Variants in LRMDA observed in about 807,000 individuals in gnomAD.
LRMDA encodes the protein leucine rich melanocyte differentiation associated.
A neutral mutation model predicts 29.8 loss-of-function variants in LRMDA; 18 were observed. The ratio of observed to expected loss-of-function variants is 0.60; its 90% confidence interval spans 0.42 to 0.90. The LOEUF (loss-of-function observed/expected upper bound fraction) is 0.90, where lower values mean the gene tolerates loss of function less well. LRMDA is among the 40% of genes least tolerant of loss of function. LRMDA has a pLI of 0.00. For synonymous variants in LRMDA, 125 were observed against 109.4 expected (o/e 1.14, Z -0.89); for missense variants, 273 against 273.9 (o/e 1.00, Z 0.02).
chr10:76,412,618 T>A (rs1841974074), intron 6 of LRMDA, among the ~76,000 whole-genome samples: 1 of 152,168 alleles, frequency 6.6e-6, no homozygotes, highest in Admixed American at 6.5e-5. Flanking sequence ...AGCAGTATGA[T>A]TCGCTGTCTA....
chr10:76,153,139 T>G (rs1388799519), intron 5 of LRMDA, among the ~76,000 whole-genome samples: 4 of 152,106 alleles, frequency 2.6e-5, no homozygotes, highest in Non-Finnish European at 5.9e-5. Flanking sequence ...ACGCCTGGCC[T>G]TTTTTGGCTA....
intron 5 of LRMDA, among the ~76,000 whole-genome samples, chr10:76,146,264 T>C (rs1241548299): frequency 1.3e-5 from 2 of 152,020 alleles, no homozygotes; most frequent in Non-Finnish European, 2.9e-5. Context: ...TTCTGTCTCG[T>C]TGATCTGTCT....
chr10:76,437,538 C>T (rs1842257768), intron 6 of LRMDA: 1 of 152,164 alleles, frequency 6.6e-6, no homozygotes, highest in Admixed American at 6.5e-5. Context: ...ATCCTGAATT[C>T]AGGTGTGTAC....
chr10:75,810,325 T>C (rs759005304), intron 2 of LRMDA, among the ~76,000 whole-genome samples: 2 of 152,106 alleles, frequency 1.3e-5, no homozygotes, highest in Non-Finnish European at 2.9e-5. Flanking sequence ...CAGGGCAGAC[T>C]GGGTAGGTAG....
intron 2 of LRMDA, among the ~76,000 whole-genome samples, chr10:76,019,024 C>T (rs1482557175): frequency 6.6e-6 from 1 of 152,130 alleles, no homozygotes; most frequent in Admixed American, 6.5e-5. Context: ...CACAGTTTGC[C>T]CAGGACAGTT....
rs546770352 is a variant in LRMDA at position 76,425,163 on chromosome 10, T to C, written c.601+100678T>C. ...CCATTTCCACTATAACAGATCGCCATCAAATTTACTTAATGTCAATATCAC... is the reference window on the plus strand; with the variant it reads ...CCATTTCCACTATAACAGATCGCCACCAAATTTACTTAATGTCAATATCAC... On this transcript the variant is annotated intron_variant, in intron 6 of 6. Coordinates refer to ENST00000611255, the MANE Select transcript of LRMDA (RefSeq NM_001305581.2). Among the ~76,000 whole-genome samples the C allele has an allele frequency of 1.7e-4, 26 of 152,304 alleles. No individual in the cohort carries two copies. The South Asian group carries it at 4.6e-3, about 27-fold the overall frequency.
At chr10:75,905,349 CT>C (rs1845741322) in intron 2 of LRMDA, among the ~76,000 whole-genome samples, 1 of 150,468 alleles carries the variant, frequency 6.6e-6, no homozygotes, top group African/African-American at 2.5e-5. Flanking sequence ...TAAATCAGAC[CT>C]AGTGTTTGAC....
At chr10:76,281,006 A>G (rs1032680271) in intron 5 of LRMDA, among the ~76,000 whole-genome samples, 2 of 152,076 alleles carry the variant, frequency 1.3e-5, no homozygotes, top group Non-Finnish European at 2.9e-5. Flanking sequence ...ATTTAGTCCA[A>G]CTCTCCACAC....
chr10:75,532,435 T>G (rs1454344167), intron 2 of LRMDA, among the ~76,000 whole-genome samples: 1 of 152,156 alleles, frequency 6.6e-6, no homozygotes, highest in Non-Finnish European at 1.5e-5. Context: ...GTTAACACAT[T>G]GAAGGCAGAG....
intron 2 of LRMDA, among the ~76,000 whole-genome samples, chr10:75,619,219 C>T (rs1841149448): frequency 6.6e-6 from 1 of 152,080 alleles, no homozygotes; most frequent in South Asian, 2.1e-4. Flanking sequence ...TCAGGGGTGG[C>T]AGAGGTGGAA....
At chr10:76,538,671 T>C (rs1049128818) in intron 6 of LRMDA, among the ~76,000 whole-genome samples, 14 of 151,868 alleles carry the variant, frequency 9.2e-5, no homozygotes, top group Non-Finnish European at 1.8e-4. Context: ...CTGGATTGTT[T>C]AACTTGTTAC....
At chr10:75,642,552 TC>T (rs1335880212) in intron 2 of LRMDA, 1 of 152,210 alleles carries the variant, frequency 6.6e-6, no homozygotes, top group Non-Finnish European at 1.5e-5. Flanking sequence ...CTGTTTCTGG[TC>T]ACTGTAGGGT....
chr10:75,724,658 G>C (rs540175932), intron 2 of LRMDA, among the ~76,000 whole-genome samples: 24 of 152,280 alleles, frequency 1.6e-4, no homozygotes, highest in African/African-American at 5.8e-4. Flanking sequence ...TCTCTAAATG[G>C]AAAATTGTAA....
intron 2 of LRMDA, among the ~76,000 whole-genome samples, chr10:75,719,121 T>C (rs1842536088): frequency 6.6e-6 from 1 of 152,240 alleles, no homozygotes; most frequent in South Asian, 2.1e-4. Context: ...GATTGACAAT[T>C]GTGTAATAGA....
intron 5 of LRMDA, among the ~76,000 whole-genome samples, chr10:76,273,723 G>T (rs925673889): frequency 1.3e-5 from 2 of 152,176 alleles, no homozygotes; most frequent in Admixed American, 1.3e-4. Context: ...CTCTCCAGAA[G>T]CAGGGGAGTG....
intron 5 of LRMDA, among the ~76,000 whole-genome samples, chr10:76,186,414 T>C (rs1851151150): frequency 1.3e-5 from 2 of 152,222 alleles, no homozygotes; most frequent in South Asian, 4.1e-4. Flanking sequence ...GGGTTGGCCA[T>C]GCAAATAACA....
chr10:76,516,143 G>C (rs1317840051), intron 6 of LRMDA, among the ~76,000 whole-genome samples: 1 of 152,092 alleles, frequency 6.6e-6, no homozygotes, highest in Admixed American at 6.5e-5. Flanking sequence ...GTTGATAAAA[G>C]GCAAATATGA....
At chr10:75,541,300 T>C (rs536129304) in intron 2 of LRMDA, among the ~76,000 whole-genome samples, 3 of 152,274 alleles carry the variant, frequency 2.0e-5, no homozygotes, top group Admixed American at 6.5e-5. Context: ...ATATGAAATA[T>C]ATTAAAAGCA....
Position 75,878,992 on chromosome 10 carries a change from C to T in LRMDA, c.132-157016C>T, listed in dbSNP as rs370530115. Among the ~76,000 whole-genome samples, 297 of 152,310 alleles carry T rather than the reference C, an allele frequency of 1.9e-3. 2 individuals carry two copies. Among genetic ancestry groups the T allele is most frequent in the Middle Eastern group, 0.017 (5 of 294 alleles). ...CCTTCCAAACTCAGGCCAACGGAGA[C>T]GTTTCTTTCACTTACCTAGGTCTGC... On this transcript the variant is annotated intron_variant, in intron 2 of 6. Transcript: ENST00000611255.
Sources: allele counts gnomAD v4.1 joint callset (sites outside exome capture counted in the v4.1 genomes callset), GRCh38; gene constraint gnomAD v4.1.1; transcripts MANE v1.5; gene names NCBI Gene and HGNC (gene_info 2026-07-23, HGNC 2026-07-21).